Variants in STK33 observed in about 807,000 individuals in gnomAD.
The protein encoded by STK33 is serine/threonine-protein kinase 33.
A neutral mutation model predicts 58.0 loss-of-function variants in STK33; 52 were observed. The observed-to-expected ratio is 0.90, with a 90% CI of 0.72 to 1.13. STK33 has a LOEUF of 1.13. STK33 is among the 50% of genes most tolerant of loss of function. The pLI is 0.00. For synonymous variants in STK33, 215 were observed against 200.1 expected (o/e 1.07, Z -0.63); for missense variants, 630 against 604.2 (o/e 1.04, Z -0.45).
chr11:8,546,088 T>G (rs1363235233), intron 1 of STK33, among the ~76,000 whole-genome samples: 1 of 152,190 alleles, frequency 6.6e-6, no homozygotes, highest in East Asian at 1.9e-4. Context: ...AAAATATTTT[T>G]TAAATGATAC....
chr11:8,393,774 G>A (rs1171712436), intron 15 of STK33, among the ~76,000 whole-genome samples: 1 of 152,224 alleles, frequency 6.6e-6, no homozygotes, highest in East Asian at 1.9e-4. Context: ...TTCTTGTGAT[G>A]TAATGACCAC....
chr11:8,426,201 A>G (rs1942723157), intron 14 of STK33, among the ~76,000 whole-genome samples: 2 of 152,154 alleles, frequency 1.3e-5, no homozygotes, highest in African/African-American at 2.4e-5. Flanking sequence ...AGGGAGATGG[A>G]GTGGGAAGGT....
intron 1 of STK33, among the ~76,000 whole-genome samples, chr11:8,514,258 T>G (rs1484648028): frequency 6.6e-6 from 1 of 152,202 alleles, no homozygotes; most frequent in Non-Finnish European, 1.5e-5. Context: ...TATGGTAACT[T>G]CTATTTTTTG....
chr11:8,532,380 C>A (rs115116465), intron 1 of STK33, among the ~76,000 whole-genome samples: 1,650 of 152,316 alleles, frequency 0.011, 24 homozygotes, highest in African/African-American at 0.034. Flanking sequence ...TTTTGCACTA[C>A]AATGGCAGGG....
chr11:8,571,453 G>A (rs1957801436), intron 1 of STK33, among the ~76,000 whole-genome samples: 1 of 152,114 alleles, frequency 6.6e-6, no homozygotes, highest in Admixed American at 6.5e-5. Flanking sequence ...GTTTCTGTTT[G>A]GGGTGATAAA....
chr11:8,461,843 G>A lies in STK33; in HGVS notation c.520C>T (p.His174Tyr). 2 of 1,603,066 alleles carry A rather than the reference G, an allele frequency of 1.2e-6. No homozygotes were observed. The highest frequency in any genetic ancestry group is 1.7e-6 in the Non-Finnish European group (2 of 1,175,782). ...AATACTTGTTCCAGATGTATGATGTGTTCATGTTTTACACTTTTCAGAATG... is the reference window on the plus strand; with the variant it reads ...AATACTTGTTCCAGATGTATGATGTATTCATGTTTTACACTTTTCAGAATG... ...VNILKSVKHE[H>Y]IIHLEQVFET... Residue 174 changes from histidine (H) to tyrosine (Y), a missense_variant, in exon 8 of 16, where the codon CAC (histidine) becomes TAC (tyrosine). Physicochemically the swap from His to Tyr is moderately conservative, Grantham distance 83. Coordinates refer to ENST00000687296, the MANE Select transcript of STK33 (RefSeq NM_001352389.2).
intron 15 of STK33, among the ~76,000 whole-genome samples, chr11:8,400,737 A>C (rs1937720075): frequency 6.6e-6 from 1 of 152,202 alleles, no homozygotes; most frequent in Admixed American, 6.5e-5. Flanking sequence ...TCTCAGCCCA[A>C]AATCTCCTTA....
At chr11:8,429,008 T>A (rs967666374) in intron 14 of STK33, among the ~76,000 whole-genome samples, 1 of 152,026 alleles carries the variant, frequency 6.6e-6, no homozygotes, top group African/African-American at 2.4e-5. Flanking sequence ...TTATAGGTGA[T>A]TAATAAAATC....
intron 1 of STK33, among the ~76,000 whole-genome samples, chr11:8,502,467 A>C (rs1179154571): frequency 1.3e-5 from 2 of 152,218 alleles, no homozygotes; most frequent in Non-Finnish European, 2.9e-5. Flanking sequence ...CTTATACCAT[A>C]TACAAAAATC....
intron 1 of STK33, among the ~76,000 whole-genome samples, chr11:8,554,064 A>G (rs953057566): frequency 2.0e-5 from 3 of 152,162 alleles, no homozygotes; most frequent in African/African-American, 7.2e-5. Context: ...AGGGATTAAT[A>G]TCCAAAATAT....
chr11:8,351,498 T>A, the STK33 span, among the ~76,000 whole-genome samples: 1 of 152,212 alleles, frequency 6.6e-6, no homozygotes, highest in Non-Finnish European at 1.5e-5. Flanking sequence ...TGGCCGTCCC[T>A]GCACGGGTGA....
Position 8,454,770 on chromosome 11 carries a change from TATC to T in STK33, c.757_759del (p.Asp253del). On this transcript the variant is annotated inframe_deletion, in exon 10 of 16. Transcript: ENST00000687296. ...TTTATGTTTAAGTTTATTTCATTGT[TATC>T]ATCAATAAGACTGCTTTTAACCATT... is the stretch of plus-strand genomic sequence containing the variant. 6.3e-7 allele frequency: 1 copy of T among 1,579,326 alleles called. No individual in the cohort carries two copies. Among genetic ancestry groups the T allele is most frequent in the Non-Finnish European group, 8.6e-7 (1 of 1,159,820 alleles).
intron 1 of STK33, among the ~76,000 whole-genome samples, chr11:8,545,921 T>C (rs937741696): frequency 3.3e-4 from 50 of 152,336 alleles, no homozygotes; most frequent in Non-Finnish European, 1.6e-4. Context: ...CAAACCTAGA[T>C]GGGCCAACCT....
intron 1 of STK33, among the ~76,000 whole-genome samples, chr11:8,510,727 C>G (rs1221852916): frequency 1.3e-5 from 2 of 152,096 alleles, no homozygotes; most frequent in East Asian, 3.8e-4. Context: ...TGTGGCTTGC[C>G]AATTTTCCCA....
chr11:8,460,377 T>C (rs1371851948), intron 8 of STK33, among the ~76,000 whole-genome samples: 4 of 151,358 alleles, frequency 2.6e-5, no homozygotes, highest in Admixed American at 6.6e-5. Flanking sequence ...ATGGAATATA[T>C]AGATATATAT....
chr11:8,347,723 G>A, the STK33 span, among the ~76,000 whole-genome samples: 1 of 152,240 alleles, frequency 6.6e-6, no homozygotes, highest in Middle Eastern at 3.2e-3. Flanking sequence ...TCAGGAAGGG[G>A]AGTGAAACTG....
chr11:8,493,782 A>C (rs1950830890), intron 1 of STK33, among the ~76,000 whole-genome samples: 1 of 152,174 alleles, frequency 6.6e-6, no homozygotes, highest in Non-Finnish European at 1.5e-5. Context: ...GGGATGCAAG[A>C]CTGGTTCAAC....
intron 1 of STK33, among the ~76,000 whole-genome samples, chr11:8,531,837 G>C (rs1428040987): frequency 5.9e-5 from 9 of 151,912 alleles, no homozygotes; most frequent in Non-Finnish European, 8.8e-5. Context: ...TTGCAGAAAT[G>C]TTTTAAAACC....
rs1352249638 is a variant in STK33, at chr11:8,436,052, T to A, written c.1035A>T (p.Ala345=). ...IRKGELHFEN[A]VWNSISDCAK... ...CACAGTCACTTATGGAATTCCAGAC[T>A]GCATTTTCAAAATGTAGTTCTCCTT... The change falls in exon 13 of 16, where the codon GCA becomes GCT. Residue 345 remains alanine, a synonymous_variant. Transcript: ENST00000687296. 1.3e-6 allele frequency: 2 copies of A among 1,588,066 alleles called. No individual in the cohort carries two copies. The highest frequency in any genetic ancestry group is 2.7e-5 in the African/African-American group (2 of 74,088).
Sources: allele counts gnomAD v4.1 joint callset (sites outside exome capture counted in the v4.1 genomes callset), GRCh38; gene constraint gnomAD v4.1.1; transcripts MANE v1.5; gene names NCBI Gene and HGNC (gene_info 2026-07-23, HGNC 2026-07-21).